Variants in TJP2 observed in about 807,000 individuals in gnomAD.
TJP2 encodes the protein Friedreich ataxia region gene X104 (tight junction protein ZO-2).
TJP2 carries 91 observed loss-of-function variants against 133.1 expected under a neutral mutation model. The ratio of observed to expected loss-of-function variants is 0.68; its 90% confidence interval spans 0.58 to 0.81. TJP2 has a LOEUF of 0.81. Ranked by LOEUF, TJP2 falls within the 40% of genes least tolerant of loss-of-function variation. TJP2 has a pLI of 0.00. For missense variants in TJP2, 1,541 were observed against 1,565.6 expected, an observed-to-expected ratio of 0.98 and a Z score of 0.26; for synonymous variants, 592 against 583.4, an observed-to-expected ratio of 1.01 and a Z score of -0.21.
intron 13 of TJP2, 94 bp downstream of exon 13, chr9:69,236,332 CATG>C: frequency 1.6e-6 from 2 of 1,245,986 alleles, no homozygotes; most frequent in East Asian, 2.4e-5. Context: ...GGAAACCCCA[CATG>C]ATGAGTTCAT....
intron 9 of TJP2, 72 bp downstream of exon 9, chr9:69,228,186 G>A: frequency 6.5e-7 from 1 of 1,542,504 alleles, no homozygotes; most frequent in East Asian, 2.4e-5. Context: ...ATAACAAAGA[G>A]TGAAATCATG....
intron 22 of TJP2, 47 bp downstream of exon 22, chr9:69,252,947 G>GTCCCAGTCCTTGA: frequency 6.4e-7 from 1 of 1,560,382 alleles, no homozygotes; most frequent in Non-Finnish European, 8.8e-7. Context: ...GACTTCTCAA[G>GTCCCAGTCCTTGA]GACTGGGACT....
chr9:69,160,475 A>T (rs1824009652), intron 2 of TJP2, among the ~76,000 whole-genome samples: 1 of 152,242 alleles, frequency 6.6e-6, no homozygotes, highest in Admixed American at 6.5e-5. Context: ...GCTTTCCTTC[A>T]CTACTCTAGG....
In TJP2 at chr9:69,143,157, C is replaced by T. The variant is rs118100096; in HGVS notation, c.-130-8494C>T. On this transcript the variant is annotated intron_variant, in intron 1 of 5. Coordinates refer to the TJP2 transcript ENST00000423935. ...GCAGAATTATTTTCCTAATGAAAGACACAATTTTAATTTTATGTGAAATCA... is the reference window on the plus strand; with the variant it reads ...GCAGAATTATTTTCCTAATGAAAGATACAATTTTAATTTTATGTGAAATCA... Among the ~76,000 whole-genome samples, 85 of 152,318 alleles carry T rather than the reference C, an allele frequency of 5.6e-4. No individual in the cohort carries two copies. In the East Asian group the frequency reaches 8.1e-3, roughly 14 times the overall value.
intron 11 of TJP2, among the ~76,000 whole-genome samples, chr9:69,233,776 CA>C (rs112402776): frequency 1.1e-3 from 165 of 144,142 alleles, no homozygotes; most frequent in Middle Eastern, 3.5e-3. Context: ...GACTACATCT[CA>C]AAAAAAAAAA....
intron 5 of TJP2, among the ~76,000 whole-genome samples, chr9:69,223,152 G>T (rs1829038861): frequency 6.6e-6 from 1 of 150,618 alleles, no homozygotes; most frequent in East Asian, 2.0e-4. Context: ...TGGCCTTGCT[G>T]CATCTCAAGT....
At chr9:69,129,887 T>G (rs12001863) in intron 1 of TJP2, among the ~76,000 whole-genome samples, 3,684 of 151,640 alleles carry the variant, frequency 0.024, 159 homozygotes, top group African/African-American at 0.084. Flanking sequence ...CGTGGTGGCG[T>G]GCCTGTAATC....
At chr9:69,220,167 A>G (rs921646775) in intron 4 of TJP2, among the ~76,000 whole-genome samples, 1 of 152,154 alleles carries the variant, frequency 6.6e-6, no homozygotes, top group Admixed American at 6.5e-5. Flanking sequence ...ATAAATAAAT[A>G]AGGCATTGAC....
In TJP2 at chr9:69,254,208, G is replaced by C. The variant is rs773552106; in HGVS notation, c.3408-1G>C. On this transcript the variant is annotated splice_acceptor_variant, in intron 22 of 22. Transcript: ENST00000377245. LOFTEE classifies it high-confidence loss of function. ...TGTCTTTAACACCCTTTTTTTGTTAGTTCCAGACCCCCTGAGCCACAGAAA... is the reference window on the plus strand; with the variant it reads ...TGTCTTTAACACCCTTTTTTTGTTACTTCCAGACCCCCTGAGCCACAGAAA... 1 of 1,614,026 alleles carries C rather than the reference G, an allele frequency of 6.2e-7. No individual in the cohort carries two copies. The highest frequency in any genetic ancestry group is 8.5e-7 in the Non-Finnish European group (1 of 1,179,974).
chr9:69,146,224 G>C (rs972208864), intron 1 of TJP2, among the ~76,000 whole-genome samples: 1 of 152,012 alleles, frequency 6.6e-6, no homozygotes, highest in Non-Finnish European at 1.5e-5. Flanking sequence ...ACTATGCTTC[G>C]GGGAAATACT....
At chr9:69,173,224 A>T (rs977749058), upstream of TJP2, among the ~76,000 whole-genome samples, 2 of 152,154 alleles carry the variant, frequency 1.3e-5, no homozygotes, top group African/African-American at 4.8e-5. Flanking sequence ...TTGCTTTCCA[A>T]TTAAGGGAAG....
intron 1 of TJP2, among the ~76,000 whole-genome samples, chr9:69,134,052 A>T (rs1191430168): frequency 6.6e-6 from 1 of 152,084 alleles, no homozygotes; most frequent in Non-Finnish European, 1.5e-5. Context: ...ATGGTCACTC[A>T]CATCCGTATT....
At chr9:69,237,700 G>A (rs1211868407) in intron 14 of TJP2, among the ~76,000 whole-genome samples, 178 bp from the exon 15 acceptor site, 1 of 152,118 alleles carries the variant, frequency 6.6e-6, no homozygotes, top group Non-Finnish European at 1.5e-5. Flanking sequence ...GAAAAAAATT[G>A]TTTTAAATGG....
intron 1 of TJP2, 100 bp downstream of exon 1, chr9:69,174,532 C>G (rs1464446060): frequency 7.5e-7 from 1 of 1,331,628 alleles, no homozygotes; most frequent in Non-Finnish European, 1.1e-6. Flanking sequence ...AGTTGTTCCC[C>G]GATGCGCCGT....
At chr9:69,253,427 GA>G (rs60723906) in intron 22 of TJP2, 2,609 of 151,266 alleles carry the variant, frequency 0.017, 71 homozygotes, top group African/African-American at 0.057. Context: ...TCCGAGAATA[GA>G]AAAAAAAAAG....
chr9:69,141,970 G>A (rs968859494), intron 1 of TJP2, among the ~76,000 whole-genome samples: 1 of 152,240 alleles, frequency 6.6e-6, no homozygotes, highest in Non-Finnish European at 1.5e-5. Flanking sequence ...AGAAAGGTCA[G>A]TAACTTGTTC....
intron 2 of TJP2, among the ~76,000 whole-genome samples, chr9:69,158,757 G>A (rs977277701): frequency 6.6e-6 from 1 of 152,036 alleles, no homozygotes; most frequent in African/African-American, 2.4e-5. Context: ...CAGGCTGGAA[G>A]CTTATCTTAT....
In TJP2 at chr9:69,236,038, C is replaced by T. The variant is rs1278020080; in HGVS notation, c.1791C>T (p.Asp597=). Residue 597 remains aspartate, a synonymous_variant, in exon 13 of 23, where the codon GAC becomes GAT. Transcript: ENST00000377245. ...GCTTTTGTCTTTCAGTGTATAGAGA[C>T]ATCCTGGCTTGTGGCAGAGGGGATT... is the stretch of plus-strand genomic sequence containing the variant. ...LAQSRADVYR[D]ILACGRGDSF... 6 of 1,614,148 alleles carry T rather than the reference C, an allele frequency of 3.7e-6. No individual in the cohort carries two copies. The highest frequency in any genetic ancestry group is 5.1e-6 in the Non-Finnish European group (6 of 1,180,030).
rs10577570 is a variant in TJP2 at position 69,133,546 on chromosome 9, CT to C, written c.-131+11844del. 6.6e-3 allele frequency among the ~76,000 whole-genome samples: 693 copies of C among 104,704 alleles called. 2 individuals are homozygous for C. The highest frequency in any genetic ancestry group is 0.023 in the African/African-American group (591 of 25,604). The allele number at this position is 104,704 out of a possible 152,430, so 68.7% of individuals were successfully genotyped here. On this transcript the variant is annotated intron_variant, in intron 1 of 5. Transcript: ENST00000423935. ...ATGCTTTCCTGTTTCATTTTTCTGGCTTTTTTTTTTTTTTTTTTTTTTTGAG... is the reference window on the plus strand; with the variant it reads ...ATGCTTTCCTGTTTCATTTTTCTGGCTTTTTTTTTTTTTTTTTTTTTTGAG...
Sources: allele counts gnomAD v4.1 joint callset (sites outside exome capture counted in the v4.1 genomes callset), GRCh38; gene constraint gnomAD v4.1.1; transcripts MANE v1.5; gene names NCBI Gene and HGNC (gene_info 2026-07-23, HGNC 2026-07-21).